Variants in LRFN2 observed in about 807,000 individuals in gnomAD.
LRFN2 encodes the protein leucine rich repeat and fibronectin type III domain containing 2, also known as leucine-rich repeat and fibronectin type-III domain-containing protein 2.
A neutral mutation model predicts 37.3 loss-of-function variants in LRFN2; 18 were observed. The observed-to-expected ratio is 0.48, with a 90% confidence interval of 0.33 to 0.72. LRFN2 has a LOEUF of 0.72. LRFN2 is among the 30% of genes least tolerant of loss of function. The pLI, the probability that LRFN2 is intolerant of heterozygous loss-of-function variation, is 0.02. For synonymous variants in LRFN2, 556 were observed against 466.6 expected, an observed-to-expected ratio of 1.19 and a Z score of -2.47; for missense variants, 1,006 against 1,060.7, an observed-to-expected ratio of 0.95 and a Z score of 0.72.
chr6:40,572,475 G>A (rs1358770138), intron 1 of LRFN2, among the ~76,000 whole-genome samples: 7 of 152,188 alleles, frequency 4.6e-5, no homozygotes, highest in African/African-American at 1.4e-4. Context: ...TATGGGAAGT[G>A]TTTGGAAGTT....
intron 2 of LRFN2, among the ~76,000 whole-genome samples, chr6:40,414,395 G>A (rs527299248): frequency 1.3e-5 from 2 of 152,222 alleles, no homozygotes; most frequent in East Asian, 1.9e-4. Flanking sequence ...CCTCCTCCCC[G>A]CCGTAAAATC....
intron 1 of LRFN2, among the ~76,000 whole-genome samples, chr6:40,569,701 C>G (rs940536833): frequency 5.3e-5 from 8 of 152,204 alleles, no homozygotes; most frequent in Non-Finnish European, 7.3e-5. Context: ...AGAAGATTTT[C>G]TGCATTCTGA....
chr6:40,500,729 A>G (rs1765359820), intron 1 of LRFN2, among the ~76,000 whole-genome samples: 1 of 152,260 alleles, frequency 6.6e-6, no homozygotes, highest in Admixed American at 6.5e-5. Context: ...ATGTGCTACA[A>G]GAATATTCAC....
chr6:40,438,630 G>A (rs187687273), intron 1 of LRFN2, among the ~76,000 whole-genome samples: 3 of 152,312 alleles, frequency 2.0e-5, no homozygotes, highest in South Asian at 2.1e-4. Context: ...TGTGCCTGGC[G>A]TACAGAGAGA....
At chr6:40,501,265 T>C (rs1004457744) in intron 1 of LRFN2, among the ~76,000 whole-genome samples, 2 of 151,934 alleles carry the variant, frequency 1.3e-5, no homozygotes, top group Non-Finnish European at 2.9e-5. Flanking sequence ...AGGAAAGATA[T>C]AGTTACGGGT....
At chr6:40,434,047 C>A (rs764083449) in intron 1 of LRFN2, among the ~76,000 whole-genome samples, 1 of 152,220 alleles carries the variant, frequency 6.6e-6, no homozygotes, top group African/African-American at 2.4e-5. Flanking sequence ...CCCCGCCCCG[C>A]TGCATAGCCC....
Position 40,521,531 on chromosome 6 carries a change from T to C in LRFN2, c.-19+65410A>G, listed in dbSNP as rs146460063. On this transcript the variant is annotated intron_variant, in intron 1 of 2. Transcript: ENST00000338305. Reference sequence around the variant, plus strand: ...GGCAAGGCACATTTCTGTATGTTGGTGCCGATTAATCCTGAACGGTTTAAG... The same window carrying C: ...GGCAAGGCACATTTCTGTATGTTGGCGCCGATTAATCCTGAACGGTTTAAG... 2.9e-3 allele frequency among the ~76,000 whole-genome samples: 435 copies of C among 152,394 alleles called. 4 individuals are homozygous for C. Among genetic ancestry groups the C allele is most frequent in the African/African-American group, 8.8e-3 (368 of 41,602 alleles).
At chr6:40,405,272 G>A (rs1298187822) in intron 2 of LRFN2, among the ~76,000 whole-genome samples, 2 of 152,196 alleles carry the variant, frequency 1.3e-5, no homozygotes, top group Non-Finnish European at 2.9e-5. Flanking sequence ...AGGGTACAGT[G>A]GATATGCACA....
At chr6:40,459,737 G>C (rs1384548622) in intron 1 of LRFN2, among the ~76,000 whole-genome samples, 1 of 152,220 alleles carries the variant, frequency 6.6e-6, no homozygotes, top group East Asian at 1.9e-4. Flanking sequence ...TGTGCCTTCT[G>C]GATGGGTTGG....
At chr6:40,551,031 C>T (rs995676526) in intron 1 of LRFN2, among the ~76,000 whole-genome samples, 1 of 152,068 alleles carries the variant, frequency 6.6e-6, no homozygotes, top group Non-Finnish European at 1.5e-5. Context: ...CTCCAGATGT[C>T]GGTGTAGGGC....
At chr6:40,574,659 TG>T (rs1767244861) in intron 1 of LRFN2, among the ~76,000 whole-genome samples, 2 of 152,286 alleles carry the variant, frequency 1.3e-5, no homozygotes, top group Non-Finnish European at 2.9e-5. Flanking sequence ...GGTGCATAAT[TG>T]GGAGGCACTG....
At chr6:40,478,093 T>G (rs1764747754) in intron 1 of LRFN2, among the ~76,000 whole-genome samples, 1 of 152,136 alleles carries the variant, frequency 6.6e-6, no homozygotes, top group Admixed American at 6.5e-5. Context: ...GGGGATGTAA[T>G]GTCCTGTCCC....
intron 1 of LRFN2, among the ~76,000 whole-genome samples, chr6:40,553,626 A>T (rs925676962): frequency 6.6e-6 from 1 of 152,222 alleles, no homozygotes; most frequent in African/African-American, 2.4e-5. Context: ...AGCACATAGC[A>T]AATGCTCAGG....
intron 2 of LRFN2, among the ~76,000 whole-genome samples, chr6:40,402,463 A>C (rs1762760067): frequency 6.6e-6 from 1 of 152,238 alleles, no homozygotes; most frequent in South Asian, 2.1e-4. Context: ...AAAAGAAAAA[A>C]ATAACATGCC....
intron 1 of LRFN2, among the ~76,000 whole-genome samples, chr6:40,509,369 G>A (rs1765631255): frequency 6.6e-6 from 1 of 152,236 alleles, no homozygotes; most frequent in Non-Finnish European, 1.5e-5. Context: ...TGAGATGTCG[G>A]GCAATTTTTC....
At chr6:40,519,384 T>A (rs1023148236) in intron 1 of LRFN2, among the ~76,000 whole-genome samples, 2 of 152,214 alleles carry the variant, frequency 1.3e-5, no homozygotes, top group African/African-American at 4.8e-5. Flanking sequence ...CACATTCTTT[T>A]CTATAAGACT....
At chr6:40,541,100 C>T (rs569362763) in intron 1 of LRFN2, among the ~76,000 whole-genome samples, 10 of 152,260 alleles carry the variant, frequency 6.6e-5, no homozygotes, top group East Asian at 3.9e-4. Context: ...CTAATTCTGC[C>T]GCAGCATCCC....
At chr6:40,466,581 C>T (rs780573010) in intron 1 of LRFN2, among the ~76,000 whole-genome samples, 13 of 152,068 alleles carry the variant, frequency 8.5e-5, no homozygotes, top group Non-Finnish European at 1.3e-4. Flanking sequence ...GAATTGTTCC[C>T]GCCAGAGGAC....
chr6:40,412,120 T>C (rs570788834), intron 2 of LRFN2, among the ~76,000 whole-genome samples: 49 of 152,234 alleles, frequency 3.2e-4, no homozygotes, highest in Admixed American at 7.2e-4. Flanking sequence ...CTGTGAGCTC[T>C]TGTTATCATG....
Sources: gnomAD v4.1 joint callset for allele counts (sites outside exome capture counted in the v4.1 genomes callset) on GRCh38, gnomAD v4.1.1 for gene constraint, MANE v1.5 for transcripts, NCBI Gene and HGNC (gene_info 2026-07-23, HGNC 2026-07-21) for gene names.